PFKL: variants seen among roughly 807,000 people sequenced by gnomAD.
The protein encoded by PFKL is ATP-dependent 6-phosphofructokinase, liver type.
In PFKL, 74 loss-of-function variants were observed where a neutral mutation model predicts 92.1. The ratio of observed to expected loss-of-function variants is 0.80; its 90% CI spans 0.67 to 0.97. PFKL has a LOEUF of 0.97. Ranked by LOEUF, PFKL falls within the 50% of genes least tolerant of loss-of-function variation. The pLI is 0.00. For synonymous variants in PFKL, 494 were observed against 456.4 expected (o/e 1.08, Z -1.05); for missense variants, 1,028 against 1,116.6 (o/e 0.92, Z 1.13).
At chr21:44,300,959 A>G (rs1195769212) in intron 1 of PFKL, among the ~76,000 whole-genome samples, 1 of 152,050 alleles carries the variant, frequency 6.6e-6, no homozygotes, top group Admixed American at 6.5e-5. Context: ...CACCTACCCT[A>G]CCCCTCAGGA....
intron 5 of PFKL, 150 bp downstream of exon 5, chr21:44,313,293 A>G: frequency 1.1e-6 from 1 of 895,008 alleles, no homozygotes. Context: ...AGCTGGGGGA[A>G]CGCACAGCGG....
chr21:44,305,891 T>A (rs140776050), intron 1 of PFKL: 2 of 1,365,076 alleles, frequency 1.5e-6, no homozygotes, highest in South Asian at 1.1e-5. Context: ...AAAGAGGAAG[T>A]GACCTCAGAG....
At chr21:44,326,366 C>T in intron 21 of PFKL, 102 bp downstream of exon 21, 1 of 861,620 alleles carries the variant, frequency 1.2e-6, no homozygotes, top group African/African-American at 1.7e-5. Context: ...GCACCCTGAC[C>T]CCGCAAGGCC....
In PFKL at chr21:44,323,769, T is replaced by C. The variant is rs776203481; in HGVS notation, c.1501T>C (p.Tyr501His). ...ALLVVGGFEA[Y>H]EGVLQLVEAR... ...TGCCCCGTCCCTACTGCTGCAGGCC[T>C]ATGAAGGGGTGCTGCAGCTGGTGGA... is the stretch of plus-strand genomic sequence containing the variant. The change falls in exon 16 of 22, where the codon TAT (tyrosine) becomes CAT (histidine). Residue 501 changes from tyrosine to histidine, a missense_variant. Coordinates refer to ENST00000349048, the MANE Select transcript of PFKL (RefSeq NM_002626.6). 1 of 1,611,790 alleles carries C rather than the reference T, an allele frequency of 6.2e-7. No homozygotes were observed. Among genetic ancestry groups the C allele is most frequent in the Non-Finnish European group, 8.5e-7 (1 of 1,179,418 alleles).
At chr21:44,304,133 C>T (rs984183802) in intron 1 of PFKL, 2 of 1,153,230 alleles carry the variant, frequency 1.7e-6, no homozygotes, top group African/African-American at 1.6e-5. Flanking sequence ...CTCCCAAGGG[C>T]TCAGCACAAA....
intron 1 of PFKL, 114 bp downstream of exon 1, chr21:44,300,304 C>G (rs1018435690): frequency 4.5e-4 from 142 of 312,122 alleles, no homozygotes; most frequent in Non-Finnish European, 6.2e-4. Context: ...GGCCCGGCCT[C>G]CCGCCCCGGC....
chr21:44,314,047 G>C, intron 7 of PFKL, 26 bp downstream of exon 7: 1 of 1,517,888 alleles, frequency 6.6e-7, no homozygotes, highest in Admixed American at 1.9e-5. Flanking sequence ...CCTGCTGGGG[G>C]CCGCAGGTGT....
chr21:44,326,170 G>A lies in PFKL; in HGVS notation c.2101G>A (p.Ala701Thr), dbSNP rs1414034129. The A allele has an allele frequency of 4.3e-6, 7 of 1,612,446 alleles. No individual in the cohort carries two copies. The highest frequency in any genetic ancestry group is 2.2e-5 in the South Asian group (2 of 90,916). Residue 701 changes from alanine to threonine, a missense_variant, in exon 21 of 22, where the codon GCC (alanine) becomes ACC (threonine). By Grantham distance (58) the Ala-to-Thr change is moderately conservative. Coordinates refer to ENST00000349048, the MANE Select transcript of PFKL (RefSeq NM_002626.6). ...REVYRKGRVF[A>T]NAPDSACVIG... Reference sequence around the variant, plus strand: ...GCCTCTGTTTGCAGGACGGGTGTTCGCCAATGCCCCAGACTCGGCCTGCGT... The same window carrying A: ...GCCTCTGTTTGCAGGACGGGTGTTCACCAATGCCCCAGACTCGGCCTGCGT...
At chr21:44,311,127 G>A in intron 3 of PFKL, 44 bp downstream of exon 3, 1 of 1,502,380 alleles carries the variant, frequency 6.7e-7, no homozygotes, top group Non-Finnish European at 9.2e-7. Context: ...TGGACTCGCA[G>A]ACAGACACAC....
chr21:44,326,569 G>A, intron 21 of PFKL, 146 bp from the exon 22 acceptor site: 1 of 1,112,664 alleles, frequency 9.0e-7, no homozygotes, highest in Non-Finnish European at 1.3e-6. Context: ...CCCCAGACCT[G>A]TCCCAGCTCC....
rs985736937 is a variant in PFKL, at chr21:44,324,792, G to A, written c.1816-64G>A. The A allele has an allele frequency of 7.6e-5, 120 of 1,584,058 alleles. No homozygotes were observed. The Admixed American group carries it at 1.5e-3, about 20-fold the overall frequency. On this transcript the variant is annotated intron_variant, in intron 17 of 21. Coordinates refer to ENST00000349048, the MANE Select transcript of PFKL (RefSeq NM_002626.6). ...CCAGTGCTCCTGCTGGCCCCGGATC[G>A]CCGGTCAGCCTGGAATTCCCTCCCC...
At chr21:44,325,337 TC>T in intron 19 of PFKL, 73 bp downstream of exon 19, 1 of 1,087,092 alleles carries the variant, frequency 9.2e-7, no homozygotes, top group Non-Finnish European at 1.4e-6. Flanking sequence ...GCCCCAGGGG[TC>T]CCAGCCCTCA....
At chr21:44,308,001 G>A (rs1270303921) in intron 2 of PFKL, among the ~76,000 whole-genome samples, 4 of 152,204 alleles carry the variant, frequency 2.6e-5, no homozygotes, top group Admixed American at 6.5e-5. Context: ...GCACTTTGCC[G>A]TGCCTAGAGT....
At chr21:44,310,439 G>C (rs1410728258) in intron 2 of PFKL, among the ~76,000 whole-genome samples, 2 of 152,216 alleles carry the variant, frequency 1.3e-5, no homozygotes, top group East Asian at 1.9e-4. Flanking sequence ...TCCCTCGGGT[G>C]GGGGCCCGCC....
Position 44,303,433 on chromosome 21 carries a change from CAAAAAAA to C in PFKL, c.86-3232_86-3226del, listed in dbSNP as rs766852746. ...CTCAAAAAAAAAAAACAGACTTGAC[CAAAAAAA>C]AAAAAAAAAAAAAAATGGCCCGGCC... is the stretch of plus-strand genomic sequence containing the variant. On this transcript the variant is annotated intron_variant, in intron 1 of 21. Transcript: ENST00000349048. Among the ~76,000 whole-genome samples, 81 of 36,824 alleles carry C rather than the reference CAAAAAAA, an allele frequency of 2.2e-3. 6 individuals carry two copies. The highest frequency in any genetic ancestry group is 0.019 in the East Asian group (28 of 1,508). The allele number at this position is 36,824 out of a possible 152,430, so 24.2% of individuals were successfully genotyped here. A position where few individuals can be genotyped will look rare whatever the true frequency, so the allele number is the denominator to read the frequency against.
At chr21:44,303,766 G>C (rs1048872909) in intron 1 of PFKL, among the ~76,000 whole-genome samples, 3 of 152,160 alleles carry the variant, frequency 2.0e-5, no homozygotes, top group Non-Finnish European at 4.4e-5. Flanking sequence ...GGTGAGGAAA[G>C]GTCACTGGGA....
Position 44,306,699 on chromosome 21 carries a change from G to A in PFKL, c.104G>A (p.Arg35Gln), listed in dbSNP as rs763318507. The A allele has an allele frequency of 1.1e-5, 18 of 1,613,666 alleles. No homozygotes were observed. Among genetic ancestry groups the A allele is most frequent in the Non-Finnish European group, 1.5e-5 (18 of 1,179,914 alleles). ...GDAQGMNAAV[R>Q]AVTRMGIYVG... ...TCCACAGGCATGAACGCTGCTGTCC[G>A]GGCTGTGACGCGCATGGGCATTTAT... The change falls in exon 2 of 22, where the codon CGG becomes CAG. Residue 35 changes from arginine to glutamine, a missense_variant. Arg to Gln is a conservative substitution (Grantham distance 43). Transcript: ENST00000349048.
chr21:44,327,181 C>T lies in PFKL; in HGVS notation c.*319C>T. ...GGCGCCCCATGGGCCCTCAGCGTCT[C>T]CCCATGCTGGGCTCACTACATGGGC... On this transcript the variant is annotated 3_prime_UTR_variant, in exon 22 of 22. Coordinates refer to ENST00000349048, the MANE Select transcript of PFKL (RefSeq NM_002626.6). 1 of 420,350 alleles carries T rather than the reference C, an allele frequency of 2.4e-6. No individual in the cohort carries two copies. Among genetic ancestry groups the T allele is most frequent in the Non-Finnish European group, 4.5e-6 (1 of 224,626 alleles). 26.0% of individuals were successfully genotyped at this position (420,350 alleles called of 1,614,324 possible).
At chr21:44,307,244 C>T (rs1486008265) in intron 2 of PFKL, 1 of 983,830 alleles carries the variant, frequency 1.0e-6, no homozygotes, top group East Asian at 1.1e-4. Context: ...TGTCTATGTT[C>T]ATTGTGTCCC....
Sources: gnomAD v4.1 joint callset for allele counts (sites outside exome capture counted in the v4.1 genomes callset) on GRCh38, gnomAD v4.1.1 for gene constraint, MANE v1.5 for transcripts, NCBI Gene and HGNC (gene_info 2026-07-23, HGNC 2026-07-21) for gene names.